Variants in CYP4B1 observed in about 807,000 individuals in gnomAD.
CYP4B1 encodes cytochrome P450 family 4 subfamily B member 1.
Under a neutral mutation model 54.0 loss-of-function variants are expected in CYP4B1, and 45 were observed. That is an observed-to-expected ratio of 0.83 (90% CI 0.66 to 1.07). CYP4B1 has a LOEUF of 1.07. Ranked by LOEUF, CYP4B1 falls within the 50% of genes least tolerant of loss-of-function variation. The probability of loss-of-function intolerance (pLI) is 0.00; values close to 1 mark genes in which losing one functional copy is unlikely to be tolerated. For missense variants in CYP4B1, 656 were observed against 655.4 expected (o/e 1.00, Z -0.01); for synonymous variants, 248 against 247.5 (o/e 1.00, Z -0.02).
At position 46,800,201 on chromosome 1, in the gene CYP4B1, T is replaced by TC. The variant is rs1678567784; in HGVS notation, c.180+940_180+941insC. The stretch of plus-strand genomic sequence containing the variant: ...TTTCTTTCTCTTTCTTTCTTTCTCT[T>TC]TCTTTCTTTCTTTCTCTTTCTCTCT... On this transcript the variant is annotated intron_variant, in intron 1 of 11. Coordinates refer to ENST00000371923, the MANE Select transcript of CYP4B1 (RefSeq NM_001099772.2). Among the ~76,000 whole-genome samples, 3 of 27,630 alleles carry TC rather than the reference T, an allele frequency of 1.1e-4. 1 individual carries two copies. The highest frequency in any genetic ancestry group is 3.0e-4 in the Non-Finnish European group (2 of 6,662). 18.1% of individuals were successfully genotyped at this position (27,630 alleles called of 152,430 possible).
At chr1:46,806,137 G>C (rs570254533) in intron 1 of CYP4B1, among the ~76,000 whole-genome samples, 1 of 152,210 alleles carries the variant, frequency 6.6e-6, no homozygotes, top group South Asian at 2.1e-4. Context: ...CCTGTCACTA[G>C]AGATGTTTGA....
chr1:46,818,637 C>T lies in CYP4B1; in HGVS notation c.1362C>T (p.Cys454=), dbSNP rs1253120223. ...TTTGTGCTGCTTGCTACAGGAACTG[C>T]ATTGGGCAGCAGTTTGCCATGAGTG... ...FMPFSAGPRN[C]IGQQFAMSEM... The change falls in exon 12 of 12, where the codon TGC becomes TGT. Residue 454 remains cysteine (C), a synonymous_variant. Transcript: ENST00000371923. 5 of 1,614,088 alleles carry T rather than the reference C, an allele frequency of 3.1e-6. No individual in the cohort carries two copies. Among genetic ancestry groups the T allele is most frequent in the Non-Finnish European group, 3.4e-6 (4 of 1,180,008 alleles).
At chr1:46,817,881 G>T (rs1679398388) in intron 9 of CYP4B1, 84 bp from the exon 10 acceptor site, 3 of 1,217,112 alleles carry the variant, frequency 2.5e-6, no homozygotes, top group African/African-American at 3.0e-5. Flanking sequence ...CCAGTTAAGG[G>T]GTCACTAGGG....
rs180987863 is a variant in CYP4B1 at position 46,801,285 on chromosome 1, T to A, written c.180+2024T>A. Among the ~76,000 whole-genome samples the A allele has an allele frequency of 2.0e-5, 3 of 152,280 alleles. No homozygotes were observed. The East Asian group carries it at 5.8e-4, about 29-fold the overall frequency. The stretch of plus-strand genomic sequence containing the variant: ...TGACGCTAAAAGGGTACAAGAGGTA[T>A]TTAGAGAGAACTTTCTCCCTTTCTT... On this transcript the variant is annotated intron_variant, in intron 1 of 11. Transcript: ENST00000371923.
intron 3 of CYP4B1, 24 bp downstream of exon 3, chr1:46,811,208 G>A: frequency 2.5e-6 from 4 of 1,613,214 alleles, no homozygotes; most frequent in Non-Finnish European, 3.4e-6. Context: ...TGCCTTCCCT[G>A]CCCTGCCAAC....
chr1:46,809,307 A>T (rs913670525), intron 1 of CYP4B1, among the ~76,000 whole-genome samples: 1 of 152,232 alleles, frequency 6.6e-6, no homozygotes, highest in Non-Finnish European at 1.5e-5. Context: ...ACCTCCCATG[A>T]GGCCCCACCT....
At chr1:46,817,935 C>A in intron 9 of CYP4B1, 30 bp from the exon 10 acceptor site, 5 of 1,611,282 alleles carry the variant, frequency 3.1e-6, no homozygotes, top group Non-Finnish European at 4.2e-6. Flanking sequence ...CCCAGGACTA[C>A]CTGGTCACCA....
At position 46,800,181 on chromosome 1, in the gene CYP4B1, TTC is replaced by T. The variant is rs1491172461; in HGVS notation, c.180+924_180+925del. 1.8e-3 allele frequency among the ~76,000 whole-genome samples: 43 copies of T among 23,662 alleles called. 1 individual carries two copies. The highest frequency in any genetic ancestry group is 4.6e-3 in the Non-Finnish European group (28 of 6,150). 15.5% of individuals were successfully genotyped at this position (23,662 alleles called of 152,430 possible). On this transcript the variant is annotated intron_variant, in intron 1 of 11. Transcript: ENST00000371923. ...CTTTCTTTCTTTTTTTCTTCTTTCTTTCTCTTTCTTTCTTTCTCTTTCTTTCT... is the reference window on the plus strand; with the variant it reads ...CTTTCTTTCTTTTTTTCTTCTTTCTTTCTTTCTTTCTTTCTCTTTCTTTCT...
intron 1 of CYP4B1, among the ~76,000 whole-genome samples, chr1:46,809,428 A>C (rs956085770): frequency 7.2e-5 from 11 of 152,250 alleles, no homozygotes; most frequent in African/African-American, 2.7e-4. Context: ...ATCAGTGAAT[A>C]GGTGGCAATT....
intron 9 of CYP4B1, chr1:46,817,450 T>G (rs367779908): frequency 3.7e-5 from 19 of 510,624 alleles, no homozygotes; most frequent in East Asian, 2.1e-4. Flanking sequence ...AAGGCTGCCA[T>G]GTACCACCAT....
intron 8 of CYP4B1, 153 bp downstream of exon 8, chr1:46,815,417 G>A (rs1427734802): frequency 6.1e-6 from 4 of 657,320 alleles, no homozygotes; most frequent in Non-Finnish European, 9.4e-6. Context: ...GGGGTGGGGA[G>A]AGTGGTTGGC....
intron 9 of CYP4B1, chr1:46,817,426 A>G: frequency 1.8e-6 from 1 of 553,312 alleles, no homozygotes; most frequent in Non-Finnish European, 3.2e-6. Context: ...TCAGGATTAA[A>G]GAGAATGTTC....
At chr1:46,811,219 C>T (rs548250997) in intron 3 of CYP4B1, 35 bp downstream of exon 3, 48 of 1,608,408 alleles carry the variant, frequency 3.0e-5, no homozygotes, top group Non-Finnish European at 4.0e-5. Flanking sequence ...CCCTGCCAAC[C>T]TCAGACCCGT....
chr1:46,806,246 C>T (rs1220135495), intron 1 of CYP4B1, among the ~76,000 whole-genome samples: 5 of 152,240 alleles, frequency 3.3e-5, no homozygotes, highest in African/African-American at 1.2e-4. Context: ...GGAACTATGA[C>T]ATGCTGCCGA....
chr1:46,812,147 C>T (rs779524044), intron 3 of CYP4B1: 6 of 479,104 alleles, frequency 1.3e-5, no homozygotes, highest in African/African-American at 1.2e-4. Context: ...CAAGGCTCAG[C>T]AGGCTCCCCC....
chr1:46,801,718 T>C (rs1678669556), intron 1 of CYP4B1, among the ~76,000 whole-genome samples: 1 of 152,334 alleles, frequency 6.6e-6, no homozygotes, highest in East Asian at 1.9e-4. Context: ...TTTTCCCTAA[T>C]GTAAAAATGA....
intron 4 of CYP4B1, among the ~76,000 whole-genome samples, chr1:46,812,991 G>A (rs745974559): frequency 1.3e-4 from 20 of 152,164 alleles, no homozygotes; most frequent in Admixed American, 8.5e-4. Context: ...CATCTAAAAC[G>A]TGTCTCCTCA....
chr1:46,799,080 C>T lies in CYP4B1; in HGVS notation c.-2C>T, dbSNP rs1479715839. On this transcript the variant is annotated 5_prime_UTR_variant, in exon 1 of 12. Coordinates refer to ENST00000371923, the MANE Select transcript of CYP4B1 (RefSeq NM_001099772.2). The stretch of plus-strand genomic sequence containing the variant: ...GAAGGCTAGGTGGCTGGAACTGCAA[C>T]CATGGTGCCCAGCTTCCTCTCCCTG... The T allele has an allele frequency of 1.4e-5, 22 of 1,613,836 alleles. No individual in the cohort carries two copies. Among genetic ancestry groups the T allele is most frequent in the Non-Finnish European group, 1.8e-5 (21 of 1,179,880 alleles).
Position 46,813,914 on chromosome 1 carries a change from A to C in CYP4B1, c.626A>C (p.Asp209Ala). 6.2e-7 allele frequency: 1 copy of C among 1,614,110 alleles called. No homozygotes were observed. The highest frequency in any genetic ancestry group is 8.5e-7 in the Non-Finnish European group (1 of 1,179,982). ...TCCTCCTACCCTCTGCTTAGCAGGG[A>C]CAGCAGCTACTACCTTGCAGTCAGC... ...RGDTGLGHSR[D>A]SSYYLAVSDL... The change falls in exon 6 of 12, where the codon GAC becomes GCC. Residue 209 changes from aspartate to alanine, a missense_variant. Physicochemically the swap from Asp to Ala is moderately radical, Grantham distance 126. Transcript: ENST00000371923.
Sources: gnomAD v4.1 joint callset for allele counts (sites outside exome capture counted in the v4.1 genomes callset) on GRCh38, gnomAD v4.1.1 for gene constraint, MANE v1.5 for transcripts, NCBI Gene and HGNC (gene_info 2026-07-23, HGNC 2026-07-21) for gene names.